THSD7A: variants seen among roughly 807,000 people sequenced by gnomAD.
THSD7A encodes the protein thrombospondin type-1 domain-containing protein 7A.
THSD7A carries 96 observed loss-of-function variants against 231.3 expected under a neutral mutation model. The ratio of observed to expected loss-of-function variants is 0.41; its 90% CI spans 0.35 to 0.49. THSD7A has a LOEUF of 0.49. Ranked by LOEUF, THSD7A falls within the 20% of genes least tolerant of loss-of-function variation. The pLI, the probability that THSD7A is intolerant of heterozygous loss-of-function variation, is 0.05. For synonymous variants in THSD7A, 940 were observed against 743.3 expected (o/e 1.26, Z -4.30); for missense variants, 2,290 against 2,070.2 (o/e 1.11, Z -2.06).
intron 1 of THSD7A, among the ~76,000 whole-genome samples, chr7:11,638,884 T>A (rs1781969872): frequency 6.6e-6 from 1 of 152,274 alleles, no homozygotes; most frequent in South Asian, 2.1e-4. Flanking sequence ...CTGGTGATAC[T>A]TTCTTAAAGA....
At chr7:11,550,088 C>T (rs929805644) in intron 4 of THSD7A, among the ~76,000 whole-genome samples, 1 of 151,930 alleles carries the variant, frequency 6.6e-6, no homozygotes, top group Non-Finnish European at 1.5e-5. Flanking sequence ...CTAGAAAACC[C>T]CGTAATCTCT....
chr7:11,619,422 T>G (rs1311162401), intron 2 of THSD7A, among the ~76,000 whole-genome samples: 1 of 150,350 alleles, frequency 6.7e-6, no homozygotes, highest in African/African-American at 2.5e-5. Context: ...TTTTTTTTGC[T>G]TTAAGAGACT....
intron 4 of THSD7A, among the ~76,000 whole-genome samples, chr7:11,564,148 T>C (rs1790199386): frequency 6.6e-6 from 1 of 152,208 alleles, no homozygotes. Context: ...TAAGGTTCTT[T>C]CCAAATATTT....
chr7:11,466,063 T>C (rs1218451130), intron 9 of THSD7A, among the ~76,000 whole-genome samples: 2 of 152,168 alleles, frequency 1.3e-5, no homozygotes, highest in African/African-American at 4.8e-5. Flanking sequence ...CTTTTAGTTC[T>C]TCCTGGAATC....
chr7:11,416,516 A>G (rs1308370291), intron 17 of THSD7A, among the ~76,000 whole-genome samples: 1 of 152,192 alleles, frequency 6.6e-6, no homozygotes, highest in African/African-American at 2.4e-5. Flanking sequence ...TTACAGTGTA[A>G]CTTGCATTCC....
chr7:11,532,492 T>C (rs1459347998), intron 6 of THSD7A, among the ~76,000 whole-genome samples: 1 of 152,132 alleles, frequency 6.6e-6, no homozygotes, highest in Non-Finnish European at 1.5e-5. Context: ...AGATATTAAA[T>C]AATAAATTAA....
chr7:11,775,427 A>G (rs1225808841), intron 1 of THSD7A, among the ~76,000 whole-genome samples: 2 of 152,214 alleles, frequency 1.3e-5, no homozygotes, highest in Non-Finnish European at 2.9e-5. Context: ...AATAGTCCAA[A>G]AGTGGAAGCA....
intron 6 of THSD7A, among the ~76,000 whole-genome samples, chr7:11,502,795 A>C (rs1787390311): frequency 6.6e-6 from 1 of 152,150 alleles, no homozygotes; most frequent in Admixed American, 6.5e-5. Context: ...TGCTCAATGA[A>C]ATCAGGGAAG....
rs34985878 is a variant in THSD7A, at chr7:11,444,783, CTGTGTGTG to C, written c.3064+1270_3064+1277del. Among the ~76,000 whole-genome samples the C allele has an allele frequency of 0.022, 3,179 of 144,554 alleles. 100 individuals carry two copies. The highest frequency in any genetic ancestry group is 0.075 in the African/African-American group (2,976 of 39,660). 94.8% of individuals were successfully genotyped at this position (144,554 alleles called of 152,430 possible). ...AAGAGAGGGGGCACAGTTGTCTGCT[CTGTGTGTG>C]TGTGTGTGTGTGTGTGTATAAACTA... is the stretch of plus-strand genomic sequence containing the variant. On this transcript the variant is annotated intron_variant, in intron 13 of 27. Coordinates refer to ENST00000423059, the MANE Select transcript of THSD7A (RefSeq NM_015204.3). This position sits in a 1 kb window ranked among gnomAD's most constrained non-coding sequence, Gnocchi z 4.2.
chr7:11,736,333 A>C (rs1781911066), intron 1 of THSD7A, among the ~76,000 whole-genome samples: 1 of 151,954 alleles, frequency 6.6e-6, no homozygotes, highest in African/African-American at 2.4e-5. Context: ...GGTGACTCAC[A>C]CATGGTAGTC....
chr7:11,654,784 C>A (rs899569644), intron 1 of THSD7A, among the ~76,000 whole-genome samples: 1 of 151,850 alleles, frequency 6.6e-6, no homozygotes, highest in African/African-American at 2.4e-5. Context: ...ATTGAAAAAT[C>A]ACAGTAAGGA....
chr7:11,419,251 T>A (rs1041888445), intron 16 of THSD7A, among the ~76,000 whole-genome samples: 1 of 152,162 alleles, frequency 6.6e-6, no homozygotes, highest in African/African-American at 2.4e-5. Flanking sequence ...TCATGCTGAA[T>A]TGGAATTCTC....
chr7:11,383,284 A>T (rs890661101), intron 23 of THSD7A, among the ~76,000 whole-genome samples: 6 of 152,050 alleles, frequency 3.9e-5, no homozygotes, highest in African/African-American at 7.2e-5. Context: ...AAGTGATTTT[A>T]AAAAATGTAG....
At chr7:11,514,162 A>T (rs1034551230) in intron 6 of THSD7A, among the ~76,000 whole-genome samples, 1 of 152,068 alleles carries the variant, frequency 6.6e-6, no homozygotes, top group Non-Finnish European at 1.5e-5. Flanking sequence ...TGACCACTCA[A>T]AATAAAATAA....
chr7:11,608,062 T>TA (rs1780794633), intron 2 of THSD7A, among the ~76,000 whole-genome samples: 1 of 152,124 alleles, frequency 6.6e-6, no homozygotes, highest in African/African-American at 2.4e-5. Context: ...GCTGCTTACT[T>TA]ATCACCCATG....
intron 6 of THSD7A, among the ~76,000 whole-genome samples, chr7:11,529,165 C>T (rs1474657977): frequency 6.6e-6 from 1 of 152,124 alleles, no homozygotes; most frequent in Non-Finnish European, 1.5e-5. Flanking sequence ...GTCAAACTCA[C>T]ATAATCTTGT....
intron 6 of THSD7A, among the ~76,000 whole-genome samples, chr7:11,510,272 G>A (rs961462590): frequency 2.0e-5 from 3 of 152,124 alleles, no homozygotes; most frequent in African/African-American, 7.2e-5. Flanking sequence ...TGAAGTTGAG[G>A]CAATAATTAA....
rs1034877414 is a variant in THSD7A at position 11,605,309 on chromosome 7, T to C, written c.1023-11807A>G. Among the ~76,000 whole-genome samples the C allele has an allele frequency of 1.2e-4, 18 of 152,254 alleles. No individual in the cohort carries two copies. The East Asian group carries it at 3.5e-3, about 29-fold the overall frequency. Reference sequence around the variant, plus strand: ...GTTGCATTTTGGATGTCACCATAGGTCCACTGCTTCTAATCCAGGGAAAGT... The same window carrying C: ...GTTGCATTTTGGATGTCACCATAGGCCCACTGCTTCTAATCCAGGGAAAGT... On this transcript the variant is annotated intron_variant, in intron 2 of 27. Transcript: ENST00000423059.
intron 1 of THSD7A, among the ~76,000 whole-genome samples, chr7:11,741,208 G>C (rs575250066): frequency 6.6e-6 from 1 of 151,978 alleles, no homozygotes; most frequent in South Asian, 2.1e-4. Context: ...TCCTCCCGAA[G>C]GTAAAAAATG....
Sources: gnomAD v4.1 joint callset for allele counts (sites outside exome capture counted in the v4.1 genomes callset) on GRCh38, gnomAD v4.1.1 for gene constraint, Gnocchi (gnomAD v3.1) non-coding constraint, MANE v1.5 for transcripts, NCBI Gene and HGNC (gene_info 2026-07-23, HGNC 2026-07-21) for gene names.